RAP1GAP2: variants seen among roughly 807,000 people sequenced by gnomAD.
RAP1GAP2 encodes rap1 GTPase-activating protein 2.
A neutral mutation model predicts 95.0 loss-of-function variants in RAP1GAP2; 27 were observed. That is an observed-to-expected ratio of 0.28 (90% CI 0.21 to 0.39). The LOEUF (loss-of-function observed/expected upper bound fraction) is 0.39. Among genes scored for constraint, RAP1GAP2 ranks in the 10% least tolerant of loss-of-function variants. The pLI, the probability that RAP1GAP2 is intolerant of heterozygous loss-of-function variation, is 1.00. For synonymous variants in RAP1GAP2, 373 were observed against 380.9 expected (o/e 0.98, Z 0.24); for missense variants, 771 against 970.0 (o/e 0.79, Z 2.72).
intron 2 of RAP1GAP2, among the ~76,000 whole-genome samples, chr17:2,822,411 C>T (rs969520149): frequency 2.6e-5 from 4 of 152,116 alleles, no homozygotes; most frequent in African/African-American, 9.7e-5. Flanking sequence ...CACTTGAGCC[C>T]AGGAGTTTAA....
intron 1 of RAP1GAP2, among the ~76,000 whole-genome samples, chr17:2,765,989 G>A (rs889143042): frequency 6.6e-6 from 1 of 151,902 alleles, no homozygotes; most frequent in Non-Finnish European, 1.5e-5. Context: ...AACAAACAAA[G>A]CGTCTAACCT....
chr17:2,763,498 C>G (rs2068222107), intron 1 of RAP1GAP2, among the ~76,000 whole-genome samples: 1 of 152,044 alleles, frequency 6.6e-6, no homozygotes, highest in Non-Finnish European at 1.5e-5. Context: ...GAGTTCAAGA[C>G]CAGGCTGGCA....
chr17:2,879,978 G>C (rs2073228684), intron 2 of RAP1GAP2, among the ~76,000 whole-genome samples: 1 of 152,058 alleles, frequency 6.6e-6, no homozygotes, highest in African/African-American at 2.4e-5. Context: ...ATATCCAATG[G>C]GGACCAGGTA....
intron 2 of RAP1GAP2, among the ~76,000 whole-genome samples, chr17:2,803,543 A>G (rs2069387388): frequency 6.6e-6 from 1 of 152,248 alleles, no homozygotes; most frequent in African/African-American, 2.4e-5. Context: ...GATAATCTTG[A>G]AAAAGGAGAA....
chr17:2,874,332 G>T (rs988342426), intron 2 of RAP1GAP2, among the ~76,000 whole-genome samples: 3 of 152,252 alleles, frequency 2.0e-5, no homozygotes, highest in African/African-American at 7.2e-5. Context: ...AGGGAGGAAT[G>T]GTTGGAATTT....
At position 2,800,437 on chromosome 17, in the gene RAP1GAP2, G is replaced by A. The variant is rs776752453; in HGVS notation, c.45-78G>A. On this transcript the variant is annotated intron_variant, in intron 1 of 24. Coordinates refer to ENST00000254695, the MANE Select transcript of RAP1GAP2 (RefSeq NM_015085.5). ...GCTGTCTGGTGGTTTGGGCTGTCCC[G>A]GGGACTCCTCCATACAGATGCTATG... 1.3e-4 allele frequency: 137 copies of A among 1,049,868 alleles called. No homozygotes were observed. The Middle Eastern group carries it at 7.1e-3, about 55-fold the overall frequency. The allele number at this position is 1,049,868 out of a possible 1,614,324, so 65.0% of individuals were successfully genotyped here.
chr17:2,998,626 G>A (rs1393270834), intron 14 of RAP1GAP2, among the ~76,000 whole-genome samples: 1 of 152,076 alleles, frequency 6.6e-6, no homozygotes, highest in East Asian at 1.9e-4. Context: ...TTGGAATTTG[G>A]TGATGCCATT....
chr17:2,776,706 G>C (rs1288566739), upstream of RAP1GAP2, among the ~76,000 whole-genome samples: 3 of 149,412 alleles, frequency 2.0e-5, no homozygotes, highest in African/African-American at 7.3e-5. Context: ...CGGCGGCGGC[G>C]GCGAGGGGCG....
intron 2 of RAP1GAP2, among the ~76,000 whole-genome samples, chr17:2,901,138 G>A (rs1345221182): frequency 1.3e-5 from 2 of 152,146 alleles, no homozygotes; most frequent in East Asian, 1.9e-4. Context: ...TGGCTAGGAC[G>A]CGTCCTGGTC....
chr17:2,810,522 C>CTTTTT lies in RAP1GAP2; in HGVS notation c.80+9994_80+9998dup, dbSNP rs1169922962. On this transcript the variant is annotated intron_variant, in intron 2 of 24. Coordinates refer to ENST00000254695, the MANE Select transcript of RAP1GAP2 (RefSeq NM_015085.5). ...GCTATCCCTCCCCTGTCCCCCCACCCTTTTTTTTTTTTTTTTTTTTTTTTT... is the reference window on the plus strand; with the variant it reads ...GCTATCCCTCCCCTGTCCCCCCACCCTTTTTTTTTTTTTTTTTTTTTTTTTTTTTT... Among the ~76,000 whole-genome samples, 196 of 69,416 alleles carry CTTTTT rather than the reference C, an allele frequency of 2.8e-3. 37 individuals carry two copies. The highest frequency in any genetic ancestry group is 7.4e-3 in the African/African-American group (127 of 17,118). 45.5% of individuals were successfully genotyped at this position (69,416 alleles called of 152,430 possible).
rs1285740781 is a variant in RAP1GAP2, at chr17:3,027,991, T to G, written c.2107+921T>G. On this transcript the variant is annotated intron_variant, in intron 22 of 24. Coordinates refer to ENST00000254695, the MANE Select transcript of RAP1GAP2 (RefSeq NM_015085.5). This position sits in a 1 kb window ranked among gnomAD's most constrained non-coding sequence, Gnocchi z 5.2. ...TCAGGTAGACCTGTGCGGTGGGCACTGCTGGGCGGGTGCTCCGGGTCTCTG... is the reference window on the plus strand; with the variant it reads ...TCAGGTAGACCTGTGCGGTGGGCACGGCTGGGCGGGTGCTCCGGGTCTCTG... Among the ~76,000 whole-genome samples the G allele has an allele frequency of 1.3e-5, 2 of 152,176 alleles. No individual in the cohort carries two copies. Among genetic ancestry groups the G allele is most frequent in the Admixed American group, 1.3e-4 (2 of 15,294 alleles).
upstream of RAP1GAP2, among the ~76,000 whole-genome samples, chr17:2,795,711 C>T (rs182099449): frequency 9.0e-4 from 137 of 152,274 alleles, no homozygotes; most frequent in South Asian, 6.2e-3. Context: ...CATGTGTATG[C>T]GTTCATGTCT....
At chr17:2,952,737 G>A (rs1319105746) in intron 3 of RAP1GAP2, among the ~76,000 whole-genome samples, 1 of 151,842 alleles carries the variant, frequency 6.6e-6, no homozygotes, top group Non-Finnish European at 1.5e-5. Context: ...GGTTGGGTTT[G>A]TTTCCATGTG....
chr17:3,022,979 A>C (rs2047005108), intron 19 of RAP1GAP2, among the ~76,000 whole-genome samples: 1 of 152,230 alleles, frequency 6.6e-6, no homozygotes, highest in African/African-American at 2.4e-5. Context: ...CACTTACTGA[A>C]GAATGTATAT....
chr17:2,815,456 ATATTATTATTATTATTATTAT>A lies in RAP1GAP2; in HGVS notation c.80+14929_80+14949del, dbSNP rs10675930. On this transcript the variant is annotated intron_variant, in intron 2 of 24. Coordinates refer to ENST00000254695, the MANE Select transcript of RAP1GAP2 (RefSeq NM_015085.5). ...CATGTAACCTGCCTTAACATCTCTG[ATATTATTATTATTATTATTAT>A]TATTATTATTATTATTATTATTGAG... Among the ~76,000 whole-genome samples, 5 of 140,138 alleles carry A rather than the reference ATATTATTATTATTATTATTAT, an allele frequency of 3.6e-5. 1 individual carries two copies. The highest frequency in any genetic ancestry group is 2.3e-4 in the South Asian group (1 of 4,300). 91.9% of individuals were successfully genotyped at this position (140,138 alleles called of 152,430 possible). A position where few individuals can be genotyped will look rare whatever the true frequency, so the allele number is the denominator to read the frequency against.
At chr17:3,030,897 C>G (rs1045919699) in intron 22 of RAP1GAP2, 25 bp from the exon 23 acceptor site, 2 of 1,590,404 alleles carry the variant, frequency 1.3e-6, no homozygotes, top group Non-Finnish European at 1.7e-6. Flanking sequence ...CTCCACCCTC[C>G]TTTCATGGCC....
In RAP1GAP2 at chr17:3,030,107, A is replaced by G. The variant is rs1431534106; in HGVS notation, c.2108-815A>G. 3.4e-5 allele frequency among the ~76,000 whole-genome samples: 5 copies of G among 147,648 alleles called. No homozygotes were observed. In the East Asian group the frequency reaches 7.8e-4, roughly 23 times the overall value. ...TATGTTATAGATACACATAATATAC[A>G]TATATGTATATATTATATATACATA... is the stretch of plus-strand genomic sequence containing the variant. On this transcript the variant is annotated intron_variant, in intron 22 of 24. Coordinates refer to ENST00000254695, the MANE Select transcript of RAP1GAP2 (RefSeq NM_015085.5).
intron 2 of RAP1GAP2, among the ~76,000 whole-genome samples, chr17:2,860,186 C>T (rs2072319256): frequency 6.6e-6 from 1 of 152,128 alleles, no homozygotes; most frequent in Non-Finnish European, 1.5e-5. Flanking sequence ...CGATCCACTC[C>T]CTGGTCCCAG....
chr17:3,034,976 A>AGTTTTT lies in RAP1GAP2; in HGVS notation c.*1615_*1616insGTTTTT, dbSNP rs2047432867. 1 of 108,000 alleles carries AGTTTTT rather than the reference A, an allele frequency of 9.3e-6. No homozygotes were observed. The highest frequency in any genetic ancestry group is 4.2e-5 in the African/African-American group (1 of 23,982). 6.7% of individuals were successfully genotyped at this position (108,000 alleles called of 1,614,324 possible). On this transcript the variant is annotated 3_prime_UTR_variant, in exon 25 of 25. Coordinates refer to ENST00000254695, the MANE Select transcript of RAP1GAP2 (RefSeq NM_015085.5). The surrounding 1 kb of genome is among the most constrained non-coding windows in gnomAD (Gnocchi z 5.1). ...CCTGTGCCCAAGATATAAATACTAC[A>AGTTTTT]CTTTTTTTTTTTTTTTTTAACTGAC...
Sources: gnomAD v4.1 joint callset for allele counts (sites outside exome capture counted in the v4.1 genomes callset) on GRCh38, gnomAD v4.1.1 for gene constraint, Gnocchi (gnomAD v3.1) non-coding constraint, MANE v1.5 for transcripts, NCBI Gene and HGNC (gene_info 2026-07-23, HGNC 2026-07-21) for gene names.